TET2: variants seen among roughly 807,000 people sequenced by gnomAD.
The protein encoded by TET2 is methylcytosine dioxygenase TET2.
In TET2, 299 loss-of-function variants were observed where a neutral mutation model predicts 142.9. That is an observed-to-expected ratio of 2.09 (90% CI 1.90 to 2.30). TET2 has a LOEUF of 2.30. TET2 is among the 30% of genes most tolerant of loss of function. The pLI is 0.00. For synonymous variants in TET2, 819 were observed against 849.0 expected (o/e 0.96, Z 0.61); for missense variants, 2,418 against 2,378.0 (o/e 1.02, Z -0.35).
At chr4:105,220,770 C>T (rs947894855) in intron 2 of TET2, among the ~76,000 whole-genome samples, 1 of 152,166 alleles carries the variant, frequency 6.6e-6, no homozygotes, top group Non-Finnish European at 1.5e-5. Flanking sequence ...CAAGGGCTCT[C>T]ACTGCACAGT....
At chr4:105,243,042 T>G (rs1578690820) in intron 5 of TET2, 115 bp downstream of exon 5, 2 of 802,394 alleles carry the variant, frequency 2.5e-6, no homozygotes, top group Non-Finnish European at 4.1e-6. Flanking sequence ...AAAAAGAACA[T>G]TACCTGTATT....
intron 1 of TET2, among the ~76,000 whole-genome samples, chr4:105,182,606 T>G (rs553516491): frequency 1.2e-4 from 18 of 152,360 alleles, no homozygotes; most frequent in African/African-American, 3.8e-4. Flanking sequence ...CCTATACGTT[T>G]TGAAATCTTT....
chr4:105,259,783 C>G lies in TET2; in HGVS notation c.3954+14C>G, dbSNP rs769790147. Reference sequence around the variant, plus strand: ...GACCCAAAAGAGGTTTGTTTACTTCCTGATGTATAATCGCTTTATTTTTCA... The same window carrying G: ...GACCCAAAAGAGGTTTGTTTACTTCGTGATGTATAATCGCTTTATTTTTCA... On this transcript the variant is annotated intron_variant, in intron 7 of 10. Transcript: ENST00000380013. 2 of 1,548,124 alleles carry G rather than the reference C, an allele frequency of 1.3e-6. No individual in the cohort carries two copies.
chr4:105,250,438 C>CCTTAA (rs1729814108), intron 6 of TET2, among the ~76,000 whole-genome samples: 1 of 113,896 alleles, frequency 8.8e-6, no homozygotes, highest in Non-Finnish European at 1.7e-5. Flanking sequence ...TACTATATTA[C>CCTTAA]CCAAGCTGGT....
rs1198384090 is a variant in TET2 at position 105,235,113 on chromosome 4, T to G, written c.1171T>G (p.Ser391Ala). 1 of 1,614,004 alleles carries G rather than the reference T, an allele frequency of 6.2e-7. No individual in the cohort carries two copies. The highest frequency in any genetic ancestry group is 8.5e-7 in the Non-Finnish European group (1 of 1,179,948). The change falls in exon 3 of 11, where the codon TCC (serine) becomes GCC (alanine). Residue 391 changes from serine (S) to alanine (A), a missense_variant. Ser to Ala is a moderately conservative substitution (Grantham distance 99, BLOSUM62 1). Transcript: ENST00000380013. Reference protein sequence around the residue: ...FKQSSVFTKDSFSATTTPPPP... With the variant: ...FKQSSVFTKDAFSATTTPPPP... ...GCAAAGCTCAGTGTTCACTAAGGAT[T>G]CCTTTTCTGCCACTACCACACCACC...
In TET2 at chr4:105,261,836, AT is replaced by A; in HGVS notation, c.4033del (p.Tyr1345IlefsTer18). ...CATATAAGAAACTTGCACCTGATGCATATAATAATCAGGTAAGTTTAAATAA... is the reference window on the plus strand; with the variant it reads ...CATATAAGAAACTTGCACCTGATGCAATAATAATCAGGTAAGTTTAAATAA... ...PTYKKLAPDA[Y>X]NNQIEYEHRA... On this transcript the variant is annotated frameshift_variant, in exon 8 of 11. Coordinates refer to ENST00000380013, the MANE Select transcript of TET2 (RefSeq NM_001127208.3). LOFTEE classifies it high-confidence loss of function. 6.5e-7 allele frequency: 1 copy of A among 1,542,834 alleles called. No homozygotes were observed. The highest frequency in any genetic ancestry group is 8.8e-7 in the Non-Finnish European group (1 of 1,140,060).
intron 2 of TET2, among the ~76,000 whole-genome samples, chr4:105,198,352 AAAT>A (rs1436566111): frequency 1.3e-5 from 2 of 152,214 alleles, no homozygotes; most frequent in African/African-American, 4.8e-5. Context: ...ATAAATAAAT[AAAT>A]AAAATACATA....
chr4:105,184,529 A>G (rs190108833), intron 1 of TET2, among the ~76,000 whole-genome samples: 1 of 152,320 alleles, frequency 6.6e-6, no homozygotes, highest in Admixed American at 6.5e-5. Flanking sequence ...GGGAGTCACC[A>G]CTTTGTCTAT....
chr4:105,261,924 G>T, intron 8 of TET2, 76 bp downstream of exon 8: 1 of 859,900 alleles, frequency 1.2e-6, no homozygotes, highest in African/African-American at 1.7e-5. Context: ...AAATATTTTT[G>T]AAACAATGAT....
intron 6 of TET2, among the ~76,000 whole-genome samples, chr4:105,252,878 T>G (rs1246525253): frequency 6.6e-6 from 1 of 152,196 alleles, no homozygotes; most frequent in Non-Finnish European, 1.5e-5. Flanking sequence ...TCCCGTACCA[T>G]TTCTTAAAGA....
chr4:105,245,686 T>C (rs192064982), intron 6 of TET2, among the ~76,000 whole-genome samples: 209 of 152,282 alleles, frequency 1.4e-3, no homozygotes, highest in Non-Finnish European at 2.2e-3. Context: ...GAAAAATTTT[T>C]AAAAATGTAT....
At chr4:105,244,875 C>T (rs914665180) in intron 6 of TET2, among the ~76,000 whole-genome samples, 1 of 152,182 alleles carries the variant, frequency 6.6e-6, no homozygotes, top group Non-Finnish European at 1.5e-5. Flanking sequence ...CAGGCATGAG[C>T]CGCCGCGCCT....
At chr4:105,223,047 A>T (rs1003175590) in intron 2 of TET2, among the ~76,000 whole-genome samples, 2 of 152,112 alleles carry the variant, frequency 1.3e-5, no homozygotes, top group African/African-American at 4.8e-5. Flanking sequence ...CTTATTTCTG[A>T]GGGCTCTGTT....
chr4:105,277,752 T>C lies in TET2; in HGVS notation c.*1233T>C, dbSNP rs572916212. 1 of 228,048 alleles carries C rather than the reference T, an allele frequency of 4.4e-6. No individual in the cohort carries two copies. Among genetic ancestry groups the C allele is most frequent in the Non-Finnish European group, 8.7e-6 (1 of 114,828 alleles). 14.1% of individuals were successfully genotyped at this position (228,048 alleles called of 1,614,324 possible). A position where few individuals can be genotyped will look rare whatever the true frequency, so the allele number is the denominator to read the frequency against. ...GTTCATTGCTCAAAAATGTACAGTT[T>C]TAAGAATTTTCTATTAACTGCAGGT... On this transcript the variant is annotated 3_prime_UTR_variant, in exon 11 of 11. Coordinates refer to ENST00000380013, the MANE Select transcript of TET2 (RefSeq NM_001127208.3).
At chr4:105,254,533 T>G (rs1247334588) in intron 6 of TET2, among the ~76,000 whole-genome samples, 2 of 152,150 alleles carry the variant, frequency 1.3e-5, no homozygotes, top group Non-Finnish European at 2.9e-5. Flanking sequence ...CACCTCAGCC[T>G]CCCAAGTAGC....
intron 8 of TET2, among the ~76,000 whole-genome samples, chr4:105,265,565 A>G (rs1407690448): frequency 1.3e-5 from 2 of 152,236 alleles, no homozygotes; most frequent in Admixed American, 1.3e-4. Flanking sequence ...TCTATGTTAA[A>G]GAGTAGTTGG....
At chr4:105,167,311 A>C (rs1297303308) in intron 1 of TET2, among the ~76,000 whole-genome samples, 1 of 152,040 alleles carries the variant, frequency 6.6e-6, no homozygotes, top group Admixed American at 6.5e-5. Context: ...AGAAAATTAA[A>C]TTTTACCTAA....
intron 2 of TET2, among the ~76,000 whole-genome samples, chr4:105,216,285 C>T (rs534290469): frequency 4.6e-5 from 7 of 152,066 alleles, no homozygotes; most frequent in East Asian, 1.9e-4. Flanking sequence ...TGAAACAGGT[C>T]GGGGGGAGGA....
At chr4:105,169,918 C>G (rs1724363816) in intron 1 of TET2, among the ~76,000 whole-genome samples, 1 of 150,176 alleles carries the variant, frequency 6.7e-6, no homozygotes, top group South Asian at 2.1e-4. Flanking sequence ...TTTCTTGGTT[C>G]TCTATCCCCC....
Sources: allele counts gnomAD v4.1 joint callset (sites outside exome capture counted in the v4.1 genomes callset), GRCh38; gene constraint gnomAD v4.1.1; transcripts MANE v1.5; gene names NCBI Gene and HGNC (gene_info 2026-07-23, HGNC 2026-07-21).